DPF3: variants seen among roughly 807,000 people sequenced by gnomAD.
DPF3 encodes zinc finger protein DPF3.
A neutral mutation model predicts 56.8 loss-of-function variants in DPF3; 18 were observed. The observed-to-expected ratio is 0.32, with a 90% confidence interval of 0.22 to 0.47. The LOEUF is 0.47. DPF3 is among the 20% of genes least tolerant of loss of function. The probability of loss-of-function intolerance (pLI) is 1.00; values close to 1 mark genes in which losing one functional copy is unlikely to be tolerated. For synonymous variants in DPF3, 188 were observed against 180.2 expected, an observed-to-expected ratio of 1.04 and a Z score of -0.35; for missense variants, 403 against 488.8, an observed-to-expected ratio of 0.82 and a Z score of 1.65.
At position 72,838,355 on chromosome 14, in the gene DPF3, G is replaced by A. The variant is rs188812416; in HGVS notation, c.32+55702C>T. Among the ~76,000 whole-genome samples the A allele has an allele frequency of 3.3e-5, 5 of 152,286 alleles. No homozygotes were observed. The East Asian group carries it at 5.8e-4, about 18-fold the overall frequency. ...CTAAAAATACAAAAATTAGCTGGGC[G>A]TGGTGGTGCACACCTGTAATCTCAG... On this transcript the variant is annotated intron_variant, in intron 1 of 10. Coordinates refer to ENST00000556509, the MANE Select transcript of DPF3 (RefSeq NM_001280542.3).
At chr14:72,624,453 C>T (rs1042600242) in intron 9 of DPF3, among the ~76,000 whole-genome samples, 3 of 150,594 alleles carry the variant, frequency 2.0e-5, no homozygotes, top group Admixed American at 1.3e-4. Flanking sequence ...ATTCTCCTGC[C>T]TCAGCGTCCT....
chr14:72,754,663 C>G (rs1161534476), intron 2 of DPF3, among the ~76,000 whole-genome samples: 2 of 152,156 alleles, frequency 1.3e-5, no homozygotes, highest in Non-Finnish European at 2.9e-5. Context: ...TTTTAGGGCC[C>G]TTAAAAGTTA....
intron 8 of DPF3, among the ~76,000 whole-genome samples, chr14:72,643,970 T>A (rs887150975): frequency 3.3e-5 from 5 of 152,056 alleles, no homozygotes; most frequent in Admixed American, 3.3e-4. Flanking sequence ...TCAATCCTTT[T>A]CCCCCTTTCA....
intron 3 of DPF3, among the ~76,000 whole-genome samples, chr14:72,745,744 T>C (rs1029147516): frequency 6.6e-6 from 1 of 152,136 alleles, no homozygotes; most frequent in Non-Finnish European, 1.5e-5. Flanking sequence ...CAGCAAATTC[T>C]CCAGAGACTC....
At chr14:72,857,851 T>C (rs1206634021) in intron 1 of DPF3, among the ~76,000 whole-genome samples, 1 of 152,114 alleles carries the variant, frequency 6.6e-6, no homozygotes, top group Non-Finnish European at 1.5e-5. Context: ...CCTCTCAAAG[T>C]GCTGGGATTA....
intron 1 of DPF3, among the ~76,000 whole-genome samples, chr14:72,844,241 C>A (rs1357542361): frequency 2.6e-5 from 4 of 152,208 alleles, no homozygotes; most frequent in African/African-American, 9.6e-5. Flanking sequence ...ACTGCCTCCA[C>A]ACATCTGGAC....
chr14:72,799,685 G>T (rs1240997397), intron 1 of DPF3, among the ~76,000 whole-genome samples: 1 of 152,032 alleles, frequency 6.6e-6, no homozygotes, highest in African/African-American at 2.4e-5. Context: ...TTAGTGATCC[G>T]TTCAAGAGTG....
At chr14:72,819,882 G>C (rs1373222945) in intron 1 of DPF3, among the ~76,000 whole-genome samples, 1 of 152,184 alleles carries the variant, frequency 6.6e-6, no homozygotes, top group Non-Finnish European at 1.5e-5. Context: ...AGGTTGCAGT[G>C]AGCTGAGATT....
At chr14:72,779,189 ATGTGGCATGCT>A (rs774741607) in intron 1 of DPF3, among the ~76,000 whole-genome samples, 26 of 152,244 alleles carry the variant, frequency 1.7e-4, no homozygotes, top group Non-Finnish European at 3.5e-4. Context: ...AGGAAGGCTA[ATGTGGCATGCT>A]TGTGCACAGT....
intron 8 of DPF3, among the ~76,000 whole-genome samples, chr14:72,655,060 T>C (rs1308081623): frequency 2.6e-5 from 4 of 152,168 alleles, no homozygotes. Context: ...TGCTGGCAAT[T>C]CATACTACAT....
intron 7 of DPF3, chr14:72,675,697 A>G (rs1261994428): frequency 6.6e-6 from 1 of 152,230 alleles, no homozygotes; most frequent in African/African-American, 2.4e-5. Flanking sequence ...GAATTTCATT[A>G]TAGAGGGTTA....
rs530706089 is a variant in DPF3, at chr14:72,678,514, T to A, written c.743-4146A>T. The stretch of plus-strand genomic sequence containing the variant: ...CCAGAGGCTCATGAAGGAATTTTTT[T>A]AAGTAAAGCTCACATCATGGCTAGG... On this transcript the variant is annotated intron_variant, in intron 7 of 10. Transcript: ENST00000556509. Among the ~76,000 whole-genome samples, 84 of 152,338 alleles carry A rather than the reference T, an allele frequency of 5.5e-4. 1 individual carries two copies. The highest frequency in any genetic ancestry group is 1.7e-3 in the African/African-American group (70 of 41,580).
intron 3 of DPF3, among the ~76,000 whole-genome samples, chr14:72,734,544 T>C (rs545184698): frequency 1.3e-5 from 2 of 152,318 alleles, no homozygotes; most frequent in Admixed American, 6.5e-5. Flanking sequence ...TAATCATATA[T>C]ACATAGAGTT....
chr14:72,744,741 G>C (rs73302116), intron 3 of DPF3, among the ~76,000 whole-genome samples: 1,729 of 152,130 alleles, frequency 0.011, 30 homozygotes, highest in African/African-American at 0.041. Flanking sequence ...GCCCATCACT[G>C]CTGGACTCAG....
At chr14:72,671,022 G>A (rs1886649222) in intron 8 of DPF3, 2 of 1,485,622 alleles carry the variant, frequency 1.3e-6, no homozygotes, top group Non-Finnish European at 1.8e-6. Flanking sequence ...AAAAAGCAAG[G>A]ATAGAGGGAA....
chr14:72,863,100 A>ATATATATATATATG (rs1413440131), intron 1 of DPF3, among the ~76,000 whole-genome samples: 6 of 110,612 alleles, frequency 5.4e-5, no homozygotes, highest in South Asian at 3.1e-4. Context: ...ATATATATAT[A>ATATATATATATATG]TGTGTGTGTA....
At chr14:72,670,078 T>C (rs1886601542) in intron 8 of DPF3, 4 of 985,580 alleles carry the variant, frequency 4.1e-6, no homozygotes, top group Non-Finnish European at 4.8e-6. Flanking sequence ...ATTGGAAACA[T>C]AAAACAAAGT....
In DPF3 at chr14:72,619,351, G is replaced by A; in HGVS notation, c.1083C>T (p.His361=). ...AEPPEGSWSC[H]LCWELLKEKA... is the part of the protein sequence containing the mutation. ...TCTCTTTGAGCAGTTCCCAGCATAA[G>A]TGGCAGCTCCAGCTTCCTGCAAGAA... is the stretch of plus-strand genomic sequence containing the variant. The change falls in exon 11 of 11, where the codon CAC becomes CAT. Residue 361 remains histidine, a synonymous_variant. Coordinates refer to ENST00000556509, the MANE Select transcript of DPF3 (RefSeq NM_001280542.3). 6.5e-7 allele frequency: 1 copy of A among 1,536,142 alleles called. No individual in the cohort carries two copies. The highest frequency in any genetic ancestry group is 1.2e-5 in the South Asian group (1 of 84,068).
chr14:72,830,278 A>C (rs1883998427), intron 1 of DPF3, among the ~76,000 whole-genome samples: 1 of 152,206 alleles, frequency 6.6e-6, no homozygotes, highest in African/African-American at 2.4e-5. Flanking sequence ...GAGGGGAAGG[A>C]GAAGGGGGAG....
Sources: gnomAD v4.1 joint callset for allele counts (sites outside exome capture counted in the v4.1 genomes callset) on GRCh38, gnomAD v4.1.1 for gene constraint, MANE v1.5 for transcripts, NCBI Gene and HGNC (gene_info 2026-07-23, HGNC 2026-07-21) for gene names.